KMT2C: variants seen among roughly 807,000 people sequenced by gnomAD.
KMT2C encodes lysine methyltransferase 2C, also known as histone-lysine N-methyltransferase 2C.
KMT2C carries 88 observed loss-of-function variants against 507.9 expected under a neutral mutation model. The observed-to-expected ratio is 0.17, with a 90% CI of 0.15 to 0.21. The LOEUF (loss-of-function observed/expected upper bound fraction) is 0.21. KMT2C is among the 10% of genes least tolerant of loss of function. KMT2C has a pLI of 1.00. For synonymous variants in KMT2C, 2,049 were observed against 2,080.8 expected (o/e 0.98, Z 0.42); for missense variants, 4,954 against 5,957.8 (o/e 0.83, Z 5.55).
At chr7:152,204,247 G>A (rs546331250) in intron 25 of KMT2C, among the ~76,000 whole-genome samples, 1 of 152,232 alleles carries the variant, frequency 6.6e-6, no homozygotes, top group African/African-American at 2.4e-5. Flanking sequence ...GCAGTGAGCT[G>A]AGACGGCACC....
At chr7:152,211,766 C>T (rs1368263679) in intron 23 of KMT2C, among the ~76,000 whole-genome samples, 2 of 152,136 alleles carry the variant, frequency 1.3e-5, no homozygotes, top group South Asian at 2.1e-4. Flanking sequence ...AAGACCGTAT[C>T]GGCCAGGCAC....
intron 25 of KMT2C, 36 bp from the exon 26 acceptor site, chr7:152,203,100 T>C: frequency 6.5e-7 from 1 of 1,544,354 alleles, no homozygotes; most frequent in South Asian, 1.3e-5. Context: ...TATGTGACAT[T>C]TAAAATTTCT....
At chr7:152,270,896 T>C (rs2095953376) in intron 7 of KMT2C, among the ~76,000 whole-genome samples, 1 of 152,228 alleles carries the variant, frequency 6.6e-6, no homozygotes, top group African/African-American at 2.4e-5. Context: ...TGAATTTCTT[T>C]ATAATGAGAT....
At chr7:152,401,115 T>C (rs915049463) in intron 1 of KMT2C, among the ~76,000 whole-genome samples, 11 of 150,804 alleles carry the variant, frequency 7.3e-5, no homozygotes, top group South Asian at 4.1e-4. Flanking sequence ...TTTTTTTTTT[T>C]CACTCTGTCA....
At chr7:152,342,378 GTTA>G (rs2097003926) in intron 2 of KMT2C, among the ~76,000 whole-genome samples, 1 of 152,102 alleles carries the variant, frequency 6.6e-6, no homozygotes, top group African/African-American at 2.4e-5. Context: ...TATTAACTTA[GTTA>G]TTGTTAACAA....
rs2092158342 is a variant in KMT2C at position 152,157,691 on chromosome 7, G to A, written c.11670+1172C>T. ...AGATGTAAACTAAATACAAAAATAA[G>A]ACAAGCTCTATCAATTCTGACATGT... On this transcript the variant is annotated intron_variant, in intron 44 of 58. Coordinates refer to ENST00000262189, the MANE Select transcript of KMT2C (RefSeq NM_170606.3). The A allele has an allele frequency of 2.9e-5, 28 of 966,986 alleles. No homozygotes were observed. The South Asian group carries it at 6.0e-4, about 21-fold the overall frequency. 59.9% of individuals were successfully genotyped at this position (966,986 alleles called of 1,614,324 possible).
rs759071543 is a variant in KMT2C, at chr7:152,181,391, C to G, written c.6469G>C (p.Asp2157His). ...QSSGTARSNT[D>H]PYSQPPGTPR... ...GTTCCAGGAGGTTGAGAGTAAGGGTCTGTATTGGACCTAGCTGTTCCTGAA... is the reference window on the plus strand; with the variant it reads ...GTTCCAGGAGGTTGAGAGTAAGGGTGTGTATTGGACCTAGCTGTTCCTGAA... Residue 2157 changes from aspartate to histidine, a missense_variant, in exon 36 of 59, where the codon GAC (aspartate) becomes CAC (histidine). Coordinates refer to ENST00000262189, the MANE Select transcript of KMT2C (RefSeq NM_170606.3). The G allele has an allele frequency of 3.7e-6, 6 of 1,613,768 alleles. No homozygotes were observed. The East Asian group carries it at 8.9e-5, about 24-fold the overall frequency.
chr7:152,290,977 T>C (rs893793393), intron 6 of KMT2C, among the ~76,000 whole-genome samples: 1 of 152,218 alleles, frequency 6.6e-6, no homozygotes, highest in African/African-American at 2.4e-5. Flanking sequence ...TGGAAGACAT[T>C]TTCCTACTAT....
In KMT2C at chr7:152,273,782, G is replaced by A. The variant is rs2096021893; in HGVS notation, c.935C>T (p.Ala312Val). 1.2e-6 allele frequency: 2 copies of A among 1,614,024 alleles called. No homozygotes were observed. Among genetic ancestry groups the A allele is most frequent in the South Asian group, 1.1e-5 (1 of 91,094 alleles). ...GAAATCCTGAAAGGTGCCGGCTCCT[G>A]CAGCACAAGGATAATGATACATCTG... ...CTQMYHYPCA[A>V]GAGTFQDFSH... The change falls in exon 7 of 59, where the codon GCA (alanine) becomes GTA (valine). Residue 312 changes from alanine (A) to valine (V), a missense_variant. Transcript: ENST00000262189.
intron 2 of KMT2C, among the ~76,000 whole-genome samples, chr7:152,343,221 G>A (rs1424488503): frequency 1.3e-5 from 2 of 152,168 alleles, no homozygotes; most frequent in Admixed American, 6.5e-5. Context: ...ATATGCTAAC[G>A]GTTCTAATGG....
In KMT2C at chr7:152,187,397, C is replaced by T. The variant is rs1418271614; in HGVS notation, c.4873G>A (p.Glu1625Lys). ...TGGGCATTCGACATTGTGTCATTTT[C>T]TCCTTCCACAGTGGGAGCTGATGAT... is the stretch of plus-strand genomic sequence containing the variant. ...WTSSAPTVEG[E>K]NDTMSNAQRS... The change falls in exon 33 of 59, where the codon GAA (glutamate) becomes AAA (lysine). Residue 1625 changes from glutamate to lysine, a missense_variant. Physicochemically the swap from Glu to Lys is moderately conservative, Grantham distance 56. Transcript: ENST00000262189. 1.9e-6 allele frequency: 3 copies of T among 1,614,132 alleles called. No individual in the cohort carries two copies. Among genetic ancestry groups the T allele is most frequent in the Non-Finnish European group, 1.7e-6 (2 of 1,179,998 alleles).
At chr7:152,238,621 AAAAG>A (rs1372446164) in intron 15 of KMT2C, 82 bp downstream of exon 15, 147 of 1,420,426 alleles carry the variant, frequency 1.0e-4, no homozygotes, top group Middle Eastern at 2.6e-4. Flanking sequence ...CTCAATCTAG[AAAAG>A]AAAGATTTAA....
chr7:152,389,316 G>C (rs899433148), intron 1 of KMT2C, among the ~76,000 whole-genome samples: 1 of 141,320 alleles, frequency 7.1e-6, no homozygotes. Flanking sequence ...AGTGAGCAGA[G>C]ATCGTGCAGC....
chr7:152,177,470 A>C lies in KMT2C; in HGVS notation c.7983T>G (p.Pro2661=). 6.2e-7 allele frequency: 1 copy of C among 1,614,184 alleles called. No individual in the cohort carries two copies. Among genetic ancestry groups the C allele is most frequent in the Non-Finnish European group, 8.5e-7 (1 of 1,180,024 alleles). Residue 2661 remains proline (P), a synonymous_variant, in exon 38 of 59, where the codon CCT becomes CCG. Transcript: ENST00000262189. ...TTTCAGACGGTACAGATGTTGACAA[A>C]GGAGCTTCTGAAAATTCACCACCTA... ...HPLGGEFSEA[P]LSTSVPSETT...
intron 6 of KMT2C, among the ~76,000 whole-genome samples, chr7:152,295,623 C>T (rs747667286): frequency 1.3e-5 from 2 of 152,172 alleles, no homozygotes; most frequent in South Asian, 2.1e-4. Flanking sequence ...AATATCCATT[C>T]CCCCTTTTTC....
In KMT2C at chr7:152,176,803, G is replaced by T. The variant is rs1264581254; in HGVS notation, c.8650C>A (p.Arg2884=). The T allele has an allele frequency of 1.2e-6, 2 of 1,614,032 alleles. No homozygotes were observed. Among genetic ancestry groups the T allele is most frequent in the East Asian group, 2.2e-5 (1 of 44,896 alleles). The change falls in exon 38 of 59, where the codon CGA becomes AGA. Residue 2884 remains arginine, a synonymous_variant. Coordinates refer to ENST00000262189, the MANE Select transcript of KMT2C (RefSeq NM_170606.3). ...TTTGCACTGGGGCCAGCAGTTTCTC[G>T]ATTGGTTCTTTTCTCAAATAGATCT... ...DPDLFEKRTN[R]ETAGPSANVI...
intron 1 of KMT2C, among the ~76,000 whole-genome samples, chr7:152,396,198 T>C (rs1199654757): frequency 6.6e-6 from 1 of 152,216 alleles, no homozygotes; most frequent in Non-Finnish European, 1.5e-5. Flanking sequence ...TTTCCTGCCA[T>C]TTATTCTGTG....
At chr7:152,290,055 A>AAAAC (rs71198771) in intron 6 of KMT2C, among the ~76,000 whole-genome samples, 45 of 146,536 alleles carry the variant, frequency 3.1e-4, no homozygotes, top group East Asian at 2.0e-3. Flanking sequence ...CAAACAAAAC[A>AAAAC]AAACAAACAA....
chr7:152,240,350 G>A (rs374208258), intron 14 of KMT2C, among the ~76,000 whole-genome samples: 3 of 152,242 alleles, frequency 2.0e-5, no homozygotes, highest in Non-Finnish European at 4.4e-5. Flanking sequence ...TTTGGCAGCA[G>A]TCCACCTGTG....
Sources: gnomAD v4.1 joint callset for allele counts (sites outside exome capture counted in the v4.1 genomes callset) on GRCh38, gnomAD v4.1.1 for gene constraint, MANE v1.5 for transcripts, NCBI Gene and HGNC (gene_info 2026-07-23, HGNC 2026-07-21) for gene names.